Variants in ZNF609 observed in about 807,000 individuals in gnomAD.
The protein encoded by ZNF609 is zinc finger protein 609.
A neutral mutation model predicts 109.5 loss-of-function variants in ZNF609; 11 were observed. That is an observed-to-expected ratio of 0.10 (90% CI 0.06 to 0.17). ZNF609 has a LOEUF of 0.17. Among genes scored for constraint, ZNF609 ranks in the 10% least tolerant of loss-of-function variants. The pLI is 1.00. For synonymous variants in ZNF609, 646 were observed against 662.0 expected, an observed-to-expected ratio of 0.98 and a Z score of 0.37; for missense variants, 1,559 against 1,772.4, an observed-to-expected ratio of 0.88 and a Z score of 2.16.
At chr15:64,677,984 A>C in intron 5 of ZNF609, 132 bp from the exon 6 acceptor site, 1 of 1,239,392 alleles carries the variant, frequency 8.1e-7, no homozygotes. Context: ...AGATCAGTAG[A>C]GGCCAAAATC....
intron 1 of ZNF609, among the ~76,000 whole-genome samples, chr15:64,482,868 T>A (rs1253551970): frequency 1.3e-5 from 2 of 152,164 alleles, no homozygotes; most frequent in Non-Finnish European, 2.9e-5. Context: ...TGTTGTGAAT[T>A]AGCAAACTGA....
rs1323152059 is a variant in ZNF609 at position 64,500,081 on chromosome 15, C to T, written c.662C>T (p.Ala221Val). 6 of 1,614,096 alleles carry T rather than the reference C, an allele frequency of 3.7e-6. No individual in the cohort carries two copies. In the East Asian group the frequency reaches 8.9e-5, roughly 24 times the overall value. ...GGGAGTATAGCTATTGAGCCTGGGGCAGCGCTCAATCCTTTGGGAACTAAA... is the reference window on the plus strand; with the variant it reads ...GGGAGTATAGCTATTGAGCCTGGGGTAGCGCTCAATCCTTTGGGAACTAAA... The part of the protein sequence containing the change: ...PLGSIAIEPG[A>V]ALNPLGTKPE... The change falls in exon 2 of 10, where the codon GCA becomes GTA. Residue 221 changes from alanine to valine, a missense_variant. Physicochemically the swap from Ala to Val is moderately conservative, Grantham distance 64. Coordinates refer to ENST00000326648, the MANE Select transcript of ZNF609 (RefSeq NM_015042.2).
At chr15:64,600,682 A>AGAGG (rs532463999) in intron 2 of ZNF609, among the ~76,000 whole-genome samples, 2 of 87,474 alleles carry the variant, frequency 2.3e-5, no homozygotes, top group African/African-American at 8.9e-5. Flanking sequence ...GGGCGGGAGA[A>AGAGG]GAGGGAGGGA....
intron 3 of ZNF609, among the ~76,000 whole-genome samples, chr15:64,665,333 T>C (rs1293392057): frequency 1.3e-5 from 2 of 152,220 alleles, no homozygotes; most frequent in Non-Finnish European, 2.9e-5. Context: ...ATCTGACCAC[T>C]AATAGTGAAC....
At chr15:64,480,110 T>C (rs655329) in intron 1 of ZNF609, among the ~76,000 whole-genome samples, 131,637 of 151,606 alleles carry the variant, frequency 0.87, 58,340 homozygotes, top group East Asian at 0.96. Context: ...TGGTGGCAGG[T>C]GCCTGTAATC....
intron 2 of ZNF609, among the ~76,000 whole-genome samples, chr15:64,602,006 A>G (rs954561921): frequency 6.6e-6 from 1 of 152,102 alleles, no homozygotes. Flanking sequence ...ATTTTCTATC[A>G]AAAAAGCTAT....
intron 1 of ZNF609, among the ~76,000 whole-genome samples, chr15:64,465,494 C>T (rs1025902486): frequency 6.6e-6 from 1 of 151,988 alleles, no homozygotes; most frequent in African/African-American, 2.4e-5. Flanking sequence ...CAATTGCTTG[C>T]GTCAGCCTCC....
At chr15:64,491,229 G>A (rs575761758) in intron 1 of ZNF609, among the ~76,000 whole-genome samples, 26 of 152,354 alleles carry the variant, frequency 1.7e-4, no homozygotes, top group African/African-American at 4.6e-4. Context: ...CTCCCATGAA[G>A]TGTGGCAGGT....
chr15:64,652,041 A>T (rs1896424557), intron 3 of ZNF609, among the ~76,000 whole-genome samples: 1 of 151,978 alleles, frequency 6.6e-6, no homozygotes, highest in South Asian at 2.1e-4. Context: ...TTTTTCTTTT[A>T]TTTATTTATT....
In ZNF609 at chr15:64,675,182, C is replaced by T. The variant is rs745475370; in HGVS notation, c.2328C>T (p.Gly776=). 3.1e-6 allele frequency: 5 copies of T among 1,614,114 alleles called. No individual in the cohort carries two copies. Among genetic ancestry groups the T allele is most frequent in the South Asian group, 1.1e-5 (1 of 91,080 alleles). The change falls in exon 5 of 10, where the codon GGC becomes GGT. Residue 776 remains glycine (G), a synonymous_variant. Transcript: ENST00000326648. ...TGAAAATGGAGGGGCTCCTAAATGGCTCATCAGACCCCCACCAAAGCCGAC... is the reference window on the plus strand; with the variant it reads ...TGAAAATGGAGGGGCTCCTAAATGGTTCATCAGACCCCCACCAAAGCCGAC... ...DGMKMEGLLN[G]SSDPHQSRLA... is the part of the protein sequence containing the mutation.
chr15:64,482,819 G>C (rs1425754286), intron 1 of ZNF609, among the ~76,000 whole-genome samples: 1 of 152,168 alleles, frequency 6.6e-6, no homozygotes, highest in Non-Finnish European at 1.5e-5. Flanking sequence ...ACCAAAGACT[G>C]CTTGAAAACT....
chr15:64,681,127 G>A (rs1896879355), intron 8 of ZNF609, among the ~76,000 whole-genome samples, 182 bp from the exon 9 acceptor site: 1 of 152,102 alleles, frequency 6.6e-6, no homozygotes. Context: ...ATATGGAACA[G>A]GTGTTCCCCA....
chr15:64,468,205 CCCTTCCTCT>C (rs1423389854), intron 1 of ZNF609, among the ~76,000 whole-genome samples: 2 of 150,582 alleles, frequency 1.3e-5, no homozygotes, highest in Non-Finnish European at 3.0e-5. Context: ...TCCCTCCCTC[CCCTTCCTCT>C]CCTTCCTCTC....
At chr15:64,481,319 C>CTTTCTTT (rs1555414178) in intron 1 of ZNF609, among the ~76,000 whole-genome samples, 12 of 127,270 alleles carry the variant, frequency 9.4e-5, no homozygotes, top group African/African-American at 3.6e-4. Context: ...TTTCTTTTTT[C>CTTTCTTT]TTTTTTTTTT....
Position 64,500,611 on chromosome 15 carries a change from A to G in ZNF609, c.747+445A>G, listed in dbSNP as rs545312345. On this transcript the variant is annotated intron_variant, in intron 2 of 9. Coordinates refer to ENST00000326648, the MANE Select transcript of ZNF609 (RefSeq NM_015042.2). Reference sequence around the variant, plus strand: ...ATTGAGTACGGTTCTTGATGGGATAAATGGTGCTGTTGGGTCTCTGGTAGA... The same window carrying G: ...ATTGAGTACGGTTCTTGATGGGATAGATGGTGCTGTTGGGTCTCTGGTAGA... 1.0e-5 allele frequency: 6 copies of G among 585,698 alleles called. No individual in the cohort carries two copies. The South Asian group carries it at 1.3e-4, about 12-fold the overall frequency. The allele number at this position is 585,698 out of a possible 1,614,324, so 36.3% of individuals were successfully genotyped here. A position where few individuals can be genotyped will look rare whatever the true frequency, so the allele number is the denominator to read the frequency against.
rs770728190 is a variant in ZNF609, at chr15:64,683,236, G to A, written c.*1550G>A. The A allele has an allele frequency of 6.6e-6, 1 of 152,618 alleles. No homozygotes were observed. The highest frequency in any genetic ancestry group is 1.5e-5 in the Non-Finnish European group (1 of 68,046). 9.5% of individuals were successfully genotyped at this position (152,618 alleles called of 1,614,324 possible). A position where few individuals can be genotyped will look rare whatever the true frequency, so the allele number is the denominator to read the frequency against. The stretch of plus-strand genomic sequence containing the variant: ...GAGAGATAAAGACTGACAGACACCA[G>A]TGTAGGCTGGAAAAGGGAGTGTGTG... On this transcript the variant is annotated 3_prime_UTR_variant, in exon 10 of 10. Coordinates refer to ENST00000326648, the MANE Select transcript of ZNF609 (RefSeq NM_015042.2).
chr15:64,499,481 A>G lies in ZNF609; in HGVS notation c.62A>G (p.Tyr21Cys), dbSNP rs1893528224. Reference protein sequence around the residue: ...KGVDANPVETYDSGDEWDIGV... With the variant: ...KGVDANPVETCDSGDEWDIGV... ...GTGGATGCAAACCCGGTTGAGACAT[A>G]CGACAGTGGGGATGAATGGGACATT... Residue 21 changes from tyrosine (Y) to cysteine (C), a missense_variant, in exon 2 of 10, where the codon TAC becomes TGC. Tyr to Cys is a radical substitution (Grantham distance 194, BLOSUM62 -2). This residue lies in a region of ZNF609 where 26 missense variants were observed against 58.4 expected (regional missense o/e 0.44). Coordinates refer to ENST00000326648, the MANE Select transcript of ZNF609 (RefSeq NM_015042.2). The G allele has an allele frequency of 6.2e-7, 1 of 1,613,986 alleles. No individual in the cohort carries two copies. The highest frequency in any genetic ancestry group is 1.3e-5 in the African/African-American group (1 of 74,880).
In ZNF609 at chr15:64,685,347, CTCAGCTCTCCT is replaced by C. The variant is rs1383223524; in HGVS notation, c.*3662_*3672del. The C allele has an allele frequency of 6.6e-6, 1 of 152,654 alleles. No homozygotes were observed. The highest frequency in any genetic ancestry group is 1.5e-5 in the Non-Finnish European group (1 of 68,088). 9.5% of individuals were successfully genotyped at this position (152,654 alleles called of 1,614,324 possible). On this transcript the variant is annotated 3_prime_UTR_variant, in exon 10 of 10. Transcript: ENST00000326648. ...CTTCCTCCCAATTTTCCTGTTCTCCCTCAGCTCTCCTGATCTTCCTGGCCCTGCTCCATATG... is the reference window on the plus strand; with the variant it reads ...CTTCCTCCCAATTTTCCTGTTCTCCCGATCTTCCTGGCCCTGCTCCATATG...
intron 2 of ZNF609, among the ~76,000 whole-genome samples, chr15:64,576,095 C>CA: frequency 6.6e-6 from 1 of 152,214 alleles, no homozygotes; most frequent in Middle Eastern, 3.4e-3. Context: ...GAGCGAGACT[C>CA]AGTCTCAAAT....
Sources: allele counts gnomAD v4.1 joint callset (sites outside exome capture counted in the v4.1 genomes callset), GRCh38; gene constraint gnomAD v4.1.1; regional missense constraint gnomAD v4.1.1; transcripts MANE v1.5; gene names NCBI Gene and HGNC (gene_info 2026-07-23, HGNC 2026-07-21).